The following MECOM variants were observed in gnomAD, a reference collection of about 807,000 sequenced individuals.
MECOM encodes the protein histone-lysine N-methyltransferase MECOM.
MECOM carries 13 observed loss-of-function variants against 116.3 expected under a neutral mutation model. The observed-to-expected ratio is 0.11, with a 90% confidence interval of 0.07 to 0.18. The LOEUF is 0.18. Among genes scored for constraint, MECOM ranks in the 10% least tolerant of loss-of-function variants. The probability of loss-of-function intolerance (pLI) is 1.00; values close to 1 mark genes in which losing one functional copy is unlikely to be tolerated. For missense variants in MECOM, 1,299 were observed against 1,509.0 expected (o/e 0.86, Z 2.31); for synonymous variants, 528 against 535.2 (o/e 0.99, Z 0.19).
At chr3:169,589,437 C>A (rs964994692) in intron 1 of MECOM, among the ~76,000 whole-genome samples, 1 of 152,110 alleles carries the variant, frequency 6.6e-6, no homozygotes, top group African/African-American at 2.4e-5. Context: ...CAGGAAGGCA[C>A]CATGTTAGAG....
intron 2 of MECOM, among the ~76,000 whole-genome samples, chr3:169,166,578 T>G (rs989973693): frequency 6.6e-6 from 1 of 152,116 alleles, no homozygotes; most frequent in Non-Finnish European, 1.5e-5. Flanking sequence ...GTCAAATCAA[T>G]ATAAAACCAA....
At chr3:169,321,826 A>G (rs1720915755) in intron 2 of MECOM, among the ~76,000 whole-genome samples, 1 of 152,234 alleles carries the variant, frequency 6.6e-6, no homozygotes, top group African/African-American at 2.4e-5. Flanking sequence ...AGACAGTGGA[A>G]GAGACATTTT....
At chr3:169,290,079 G>GTAA (rs1714202079) in intron 2 of MECOM, among the ~76,000 whole-genome samples, 2 of 152,070 alleles carry the variant, frequency 1.3e-5, no homozygotes, top group African/African-American at 4.8e-5. Context: ...AAGTATATCA[G>GTAA]CCCCGATACT....
chr3:169,392,382 G>A (rs759050223), intron 1 of MECOM, among the ~76,000 whole-genome samples: 13 of 152,172 alleles, frequency 8.5e-5, no homozygotes, highest in Admixed American at 1.3e-4. Flanking sequence ...GACTAGAAAA[G>A]TGCACAGATT....
At chr3:169,550,866 C>T (rs913756916) in intron 1 of MECOM, among the ~76,000 whole-genome samples, 11 of 89,000 alleles carry the variant, frequency 1.2e-4, no homozygotes, top group African/African-American at 3.9e-4. Context: ...CTCTGTCGCC[C>T]AGGCTGGAGT....
At chr3:169,088,772 G>T (rs1718672414) in intron 16 of MECOM, among the ~76,000 whole-genome samples, 1 of 152,100 alleles carries the variant, frequency 6.6e-6, no homozygotes, top group South Asian at 2.1e-4. Context: ...GATGGGGCTT[G>T]TCATAAAATT....
chr3:169,279,142 C>T (rs906828867), intron 2 of MECOM, among the ~76,000 whole-genome samples: 27 of 152,322 alleles, frequency 1.8e-4, no homozygotes, highest in Non-Finnish European at 2.2e-4. Flanking sequence ...TAAGCATTCT[C>T]TCCAAATTAG....
rs2005137 is a variant in MECOM, at chr3:169,230,789, A to G, written c.376-86957T>C. Among the ~76,000 whole-genome samples, 34 of 152,294 alleles carry G rather than the reference A, an allele frequency of 2.2e-4. No homozygotes were observed. In the East Asian group the frequency reaches 6.0e-3, roughly 27 times the overall value. On this transcript the variant is annotated intron_variant, in intron 2 of 16. Coordinates refer to ENST00000651503, the MANE Select transcript of MECOM (RefSeq NM_004991.4). ...TAGATGGTCATTTTGAAGGTCAATC[A>G]TTGGTTCACTTTCACAATGGAGAAG...
intron 2 of MECOM, among the ~76,000 whole-genome samples, chr3:169,173,337 T>A (rs986207980): frequency 5.9e-5 from 9 of 152,110 alleles, no homozygotes; most frequent in African/African-American, 1.9e-4. Flanking sequence ...CTATTCTCCC[T>A]TTAACATGCC....
chr3:169,329,730 A>C (rs900173594), intron 2 of MECOM, among the ~76,000 whole-genome samples: 1 of 152,238 alleles, frequency 6.6e-6, no homozygotes, highest in African/African-American at 2.4e-5. Context: ...AAATTATTTT[A>C]GATTTGAATT....
At chr3:169,547,287 C>T (rs1370091863) in intron 1 of MECOM, among the ~76,000 whole-genome samples, 1 of 152,218 alleles carries the variant, frequency 6.6e-6, no homozygotes, top group Non-Finnish European at 1.5e-5. Flanking sequence ...TCTTAGCCTT[C>T]TGCCATGATC....
At chr3:169,341,431 CA>C (rs60482855) in intron 2 of MECOM, among the ~76,000 whole-genome samples, 1,124 of 89,382 alleles carry the variant, frequency 0.013, 8 homozygotes, top group Middle Eastern at 0.029. Context: ...TTAATAGGTT[CA>C]AAAAAAAAAA....
intron 1 of MECOM, among the ~76,000 whole-genome samples, chr3:169,455,950 C>A (rs549004023): frequency 6.6e-6 from 1 of 152,192 alleles, no homozygotes; most frequent in African/African-American, 2.4e-5. Flanking sequence ...CCAGAGGCTG[C>A]GAACTAGGCA....
chr3:169,566,146 G>A (rs2109403040), intron 1 of MECOM: 2 of 251,184 alleles, frequency 8.0e-6, no homozygotes, highest in South Asian at 7.0e-5. Context: ...GAACAGCATG[G>A]AGGAAACCAC....
At chr3:169,467,696 T>C (rs1748526779) in intron 1 of MECOM, among the ~76,000 whole-genome samples, 1 of 152,222 alleles carries the variant, frequency 6.6e-6, no homozygotes, top group South Asian at 2.1e-4. Flanking sequence ...GTTTTATATG[T>C]TCAGTGGTAA....
intron 2 of MECOM, among the ~76,000 whole-genome samples, chr3:169,236,397 G>A (rs540471807): frequency 4.6e-5 from 7 of 152,226 alleles, no homozygotes; most frequent in South Asian, 2.1e-4. Flanking sequence ...TAAAAATGAC[G>A]TGGTTTTTAA....
chr3:169,346,885 C>T (rs1725456648), intron 2 of MECOM, among the ~76,000 whole-genome samples: 1 of 151,852 alleles, frequency 6.6e-6, no homozygotes, highest in Non-Finnish European at 1.5e-5. Flanking sequence ...ATGCATATGC[C>T]CTTTTGCTCC....
chr3:169,139,974 AC>A (rs1737610330), intron 3 of MECOM, among the ~76,000 whole-genome samples: 2 of 148,838 alleles, frequency 1.3e-5, no homozygotes, highest in Non-Finnish European at 3.0e-5. Context: ...AAAAAAAAAA[AC>A]AATATATCAT....
intron 1 of MECOM, among the ~76,000 whole-genome samples, chr3:169,408,498 G>C (rs184163547): frequency 1.3e-5 from 2 of 152,348 alleles, no homozygotes; most frequent in East Asian, 3.9e-4. Flanking sequence ...CTTCTGGTAA[G>C]TAAAACAACA....
Sources: gnomAD v4.1 joint callset for allele counts (sites outside exome capture counted in the v4.1 genomes callset) on GRCh38, gnomAD v4.1.1 for gene constraint, MANE v1.5 for transcripts, NCBI Gene and HGNC (gene_info 2026-07-23, HGNC 2026-07-21) for gene names.